CAMK2D: variants seen among roughly 807,000 people sequenced by gnomAD.
CAMK2D encodes calcium/calmodulin-dependent protein kinase type II subunit delta.
Under a neutral mutation model 84.0 loss-of-function variants are expected in CAMK2D, and 37 were observed. That is an observed-to-expected ratio of 0.44 (90% CI 0.34 to 0.58). The LOEUF (loss-of-function observed/expected upper bound fraction) is 0.58, where lower values mean the gene tolerates loss of function less well. Ranked by LOEUF, CAMK2D falls within the 20% of genes least tolerant of loss-of-function variation. The pLI is 0.02. For missense variants in CAMK2D, 448 were observed against 652.5 expected (o/e 0.69, Z 3.41); for synonymous variants, 202 against 212.5 (o/e 0.95, Z 0.43).
chr4:113,598,327 T>C (rs1292581007), intron 4 of CAMK2D, among the ~76,000 whole-genome samples: 1 of 149,632 alleles, frequency 6.7e-6, no homozygotes, highest in Non-Finnish European at 1.5e-5. Context: ...AACTGAAAAC[T>C]CACATTAAAA....
At chr4:113,667,744 T>C (rs1376492940) in intron 2 of CAMK2D, among the ~76,000 whole-genome samples, 1 of 152,214 alleles carries the variant, frequency 6.6e-6, no homozygotes, top group East Asian at 1.9e-4. Flanking sequence ...CATAATTAAA[T>C]ATTACAAAAC....
intron 2 of CAMK2D, among the ~76,000 whole-genome samples, chr4:113,686,678 G>T (rs1304390191): frequency 6.6e-6 from 1 of 152,048 alleles, no homozygotes; most frequent in Non-Finnish European, 1.5e-5. Context: ...CAAGCATCTG[G>T]AGTCCTACAA....
intron 16 of CAMK2D, among the ~76,000 whole-genome samples, chr4:113,481,941 G>A (rs2097706223): frequency 6.6e-6 from 1 of 152,256 alleles, no homozygotes; most frequent in Admixed American, 6.5e-5. Flanking sequence ...CCCTGTGGCA[G>A]GAACCTGCTT....
chr4:113,687,598 AGTTT>A, intron 2 of CAMK2D, among the ~76,000 whole-genome samples: 1 of 152,350 alleles, frequency 6.6e-6, no homozygotes, highest in South Asian at 2.1e-4. Flanking sequence ...GAAAAGAGCA[AGTTT>A]GTCTTGTGAC....
intron 2 of CAMK2D, among the ~76,000 whole-genome samples, chr4:113,752,502 C>T (rs905059430): frequency 6.6e-6 from 1 of 151,762 alleles, no homozygotes; most frequent in Non-Finnish European, 1.5e-5. Context: ...AAGGAAACTA[C>T]AAAACAACAA....
intron 2 of CAMK2D, among the ~76,000 whole-genome samples, chr4:113,725,929 A>T (rs971291311): frequency 1.3e-5 from 2 of 152,240 alleles, no homozygotes; most frequent in Admixed American, 1.3e-4. Context: ...CCAAATTAAC[A>T]TTTGAGGAAA....
At chr4:113,602,930 T>C (rs2098959496) in intron 4 of CAMK2D, among the ~76,000 whole-genome samples, 2 of 152,232 alleles carry the variant, frequency 1.3e-5, no homozygotes, top group South Asian at 4.1e-4. Flanking sequence ...TAAAGCCTTA[T>C]TTACCATTAG....
intron 17 of CAMK2D, among the ~76,000 whole-genome samples, chr4:113,464,419 TA>T (rs1429737051): frequency 6.6e-6 from 1 of 152,252 alleles, no homozygotes; most frequent in Non-Finnish European, 1.5e-5. Flanking sequence ...TTAATTAAAG[TA>T]TACACGTTTT....
At chr4:113,487,449 CTAAT>C (rs1251582761) in intron 16 of CAMK2D, among the ~76,000 whole-genome samples, 5 of 151,810 alleles carry the variant, frequency 3.3e-5, no homozygotes, top group South Asian at 2.1e-4. Flanking sequence ...TTATTTTACT[CTAAT>C]AAATAATTTC....
chr4:113,748,518 A>G (rs1469108531), intron 2 of CAMK2D, among the ~76,000 whole-genome samples: 2 of 152,174 alleles, frequency 1.3e-5, no homozygotes, highest in African/African-American at 4.8e-5. Flanking sequence ...AAGAATGTCT[A>G]TAATAGTGCC....
intron 16 of CAMK2D, among the ~76,000 whole-genome samples, chr4:113,470,915 T>C (rs1246317035): frequency 2.0e-5 from 3 of 152,222 alleles, no homozygotes; most frequent in Admixed American, 6.5e-5. Context: ...ACAAACTCAA[T>C]TGGTTTCGAT....
Position 113,761,701 on chromosome 4 carries a change from G to A in CAMK2D, c.-633C>T, listed in dbSNP as rs1193423827. 2 of 966,340 alleles carry A rather than the reference G, an allele frequency of 2.1e-6. No homozygotes were observed. The highest frequency in any genetic ancestry group is 2.5e-6 in the Non-Finnish European group (2 of 812,688). The allele number at this position is 966,340 out of a possible 1,614,324, so 59.9% of individuals were successfully genotyped here. A position where few individuals can be genotyped will look rare whatever the true frequency, so the allele number is the denominator to read the frequency against. ...ACCTTGGCGGCCTCGCGCTGCTCACGAGCCCGCGCGGCTTCAAGACGGCGC... is the reference window on the plus strand; with the variant it reads ...ACCTTGGCGGCCTCGCGCTGCTCACAAGCCCGCGCGGCTTCAAGACGGCGC... On this transcript the variant is annotated 5_prime_UTR_variant, in exon 1 of 21. Transcript: ENST00000511664.
chr4:113,508,287 G>C (rs1356572030), intron 13 of CAMK2D: 7 of 1,529,934 alleles, frequency 4.6e-6, no homozygotes, highest in Non-Finnish European at 6.2e-6. Flanking sequence ...ACCAGTCAAA[G>C]AGAAAGGAAA....
intron 16 of CAMK2D, among the ~76,000 whole-genome samples, chr4:113,492,412 T>G (rs1474327025): frequency 1.3e-5 from 2 of 152,246 alleles, no homozygotes; most frequent in Non-Finnish European, 2.9e-5. Flanking sequence ...CAGTAGTCAT[T>G]CAGGAGCAGG....
In CAMK2D at chr4:113,738,892, A is replaced by G. The variant is rs1016496768; in HGVS notation, c.160+20428T>C. Among the ~76,000 whole-genome samples, 3 of 152,296 alleles carry G rather than the reference A, an allele frequency of 2.0e-5. No individual in the cohort carries two copies. The East Asian group carries it at 5.8e-4, about 29-fold the overall frequency. On this transcript the variant is annotated intron_variant, in intron 2 of 20. Transcript: ENST00000511664. ...AATATTTACTAACTCACTTGGAAAT[A>G]TACATCAAATTTTAAATATATACAA...
At chr4:113,655,591 C>T (rs1287627442) in intron 3 of CAMK2D, among the ~76,000 whole-genome samples, 1 of 151,988 alleles carries the variant, frequency 6.6e-6, no homozygotes, top group Non-Finnish European at 1.5e-5. Flanking sequence ...AAAAAATTAC[C>T]TTGCTCTTTC....
intron 2 of CAMK2D, among the ~76,000 whole-genome samples, chr4:113,713,524 T>TTATATATAGTATTA (rs1434747200): frequency 1.3e-3 from 198 of 148,256 alleles, no homozygotes; most frequent in African/African-American, 4.7e-3. Context: ...AGTATAACAA[T>TTATATATAGTATTA]ATTATATATA....
intron 16 of CAMK2D, among the ~76,000 whole-genome samples, chr4:113,484,089 T>A (rs1427449855): frequency 6.6e-6 from 1 of 152,074 alleles, no homozygotes; most frequent in East Asian, 1.9e-4. Flanking sequence ...TGTTGAAAAT[T>A]ACACATTTTA....
chr4:113,491,949 C>T (rs1157910080), intron 16 of CAMK2D, among the ~76,000 whole-genome samples: 4 of 152,088 alleles, frequency 2.6e-5, no homozygotes, highest in African/African-American at 9.7e-5. Flanking sequence ...GTAGTATTCT[C>T]TGATGGTAGT....
Sources: allele counts gnomAD v4.1 joint callset (sites outside exome capture counted in the v4.1 genomes callset), GRCh38; gene constraint gnomAD v4.1.1; transcripts MANE v1.5; gene names NCBI Gene and HGNC (gene_info 2026-07-23, HGNC 2026-07-21).